The following PCDHGA4 variants were observed in gnomAD, a reference collection of about 807,000 sequenced individuals.
PCDHGA4 encodes the protein protocadherin gamma subfamily A, 4.
In PCDHGA4, 38 loss-of-function variants were observed where a neutral mutation model predicts 54.6. The ratio of observed to expected loss-of-function variants is 0.70; its 90% CI spans 0.54 to 0.91. The LOEUF (loss-of-function observed/expected upper bound fraction) is 0.91, where lower values mean the gene tolerates loss of function less well. PCDHGA4 is among the 40% of genes least tolerant of loss of function. The pLI, the probability that PCDHGA4 is intolerant of heterozygous loss-of-function variation, is 0.00. For synonymous variants in PCDHGA4, 511 were observed against 512.9 expected (o/e 1.00, Z 0.05); for missense variants, 1,298 against 1,220.9 (o/e 1.06, Z -0.94).
At chr5:141,496,888 T>TAA (rs35063790) in intron 2 of PCDHGA4, among the ~76,000 whole-genome samples, 141 of 134,106 alleles carry the variant, frequency 1.1e-3, no homozygotes, top group East Asian at 2.4e-3. Context: ...AAGTAACACT[T>TAA]AAAAAAAAAA....
chr5:141,364,788 T>C lies in PCDHGA4; in HGVS notation c.2514+7167T>C. 5 of 1,614,034 alleles carry C rather than the reference T, an allele frequency of 3.1e-6. No homozygotes were observed. Among genetic ancestry groups the C allele is most frequent in the South Asian group, 2.2e-5 (2 of 91,086 alleles). On this transcript the variant is annotated intron_variant, in intron 1 of 3. Transcript: ENST00000571252. Reference sequence around the variant, plus strand: ...AATGCGGCTGCAGGGACACGGTTAGTGCTTCCCTTCGCGCGGGATGCGGAT... The same window carrying C: ...AATGCGGCTGCAGGGACACGGTTAGCGCTTCCCTTCGCGCGGGATGCGGAT...
chr5:141,501,478 T>A (rs536337246), intron 2 of PCDHGA4, among the ~76,000 whole-genome samples: 5 of 151,890 alleles, frequency 3.3e-5, no homozygotes, highest in Non-Finnish European at 7.4e-5. Flanking sequence ...CCTGGAAGAG[T>A]CCCTCATATC....
intron 1 of PCDHGA4, chr5:141,371,115 G>C (rs757942462): frequency 1.3e-5 from 21 of 1,613,902 alleles, no homozygotes; most frequent in Non-Finnish European, 1.8e-5. Flanking sequence ...TAACCCCCCA[G>C]TATTTACTCA....
intron 1 of PCDHGA4, chr5:141,392,870 G>A (rs757363357): frequency 6.2e-7 from 1 of 1,613,226 alleles, no homozygotes; most frequent in East Asian, 2.2e-5. Flanking sequence ...TGTGCGCGCT[G>A]CTGGGAACGC....
chr5:141,370,747 A>T (rs780618979), intron 1 of PCDHGA4: 2 of 1,613,952 alleles, frequency 1.2e-6, no homozygotes, highest in Non-Finnish European at 1.7e-6. Flanking sequence ...AACTTTTTTC[A>T]TGTAACTGTG....
chr5:141,384,705 C>T lies in PCDHGA4; in HGVS notation c.2514+27084C>T, dbSNP rs761874903. ...TGGACAAAGATTCAGGCCAGAACGC[C>T]TGGCTGTCATACCTCCTGCTTAAGG... On this transcript the variant is annotated intron_variant, in intron 1 of 3. Coordinates refer to ENST00000571252, the MANE Select transcript of PCDHGA4 (RefSeq NM_018917.4). 19 of 1,614,140 alleles carry T rather than the reference C, an allele frequency of 1.2e-5. No individual in the cohort carries two copies. The South Asian group carries it at 1.8e-4, about 15-fold the overall frequency.
Position 141,487,341 on chromosome 5 carries a change from TC to T in PCDHGA4, c.2515-7465del, listed in dbSNP as rs778559139. Reference sequence around the variant, plus strand: ...TGTCTTCGTGGGGCAGCCTGTGGAGTCACATGCTTTCCTGCTGGCACCTGTG... The same window carrying T: ...TGTCTTCGTGGGGCAGCCTGTGGAGTACATGCTTTCCTGCTGGCACCTGTG... On this transcript the variant is annotated intron_variant, in intron 1 of 3. Transcript: ENST00000571252. This position sits in a 1 kb window ranked among gnomAD's most constrained non-coding sequence, Gnocchi z 5.0. 1 of 1,614,012 alleles carries T rather than the reference TC, an allele frequency of 6.2e-7. No homozygotes were observed. The highest frequency in any genetic ancestry group is 1.1e-5 in the South Asian group (1 of 91,074).
chr5:141,375,542 G>GTC (rs767363908), intron 1 of PCDHGA4: 3 of 1,613,976 alleles, frequency 1.9e-6, no homozygotes, highest in Non-Finnish European at 2.5e-6. Flanking sequence ...GAACGCCCAA[G>GTC]TCTCCTACTC....
intron 1 of PCDHGA4, among the ~76,000 whole-genome samples, chr5:141,455,315 T>G (rs1416163436): frequency 6.6e-6 from 1 of 152,152 alleles, no homozygotes; most frequent in Non-Finnish European, 1.5e-5. Context: ...TTAGCAATTT[T>G]GTGTGTGTGT....
At chr5:141,442,033 G>T (rs2098292928) in intron 1 of PCDHGA4, 1 of 209,534 alleles carries the variant, frequency 4.8e-6, no homozygotes, top group Non-Finnish European at 9.8e-6. Context: ...AAAGCGACTC[G>T]CCAGCGCCTA....
At chr5:141,413,086 A>T in intron 1 of PCDHGA4, 1 of 1,344,152 alleles carries the variant, frequency 7.4e-7, no homozygotes, top group Non-Finnish European at 1.0e-6. Flanking sequence ...GGCTACAGAG[A>T]CACCCTGAAG....
At chr5:141,479,090 T>G (rs1424205731) in intron 1 of PCDHGA4, among the ~76,000 whole-genome samples, 2 of 152,244 alleles carry the variant, frequency 1.3e-5, no homozygotes, top group Non-Finnish European at 2.9e-5. Flanking sequence ...CCAGGCATCC[T>G]TTAAATTTTA....
chr5:141,356,443 G>T lies in PCDHGA4; in HGVS notation c.1336G>T (p.Val446Phe). 1 of 1,612,380 alleles carries T rather than the reference G, an allele frequency of 6.2e-7. No homozygotes were observed. Among genetic ancestry groups the T allele is most frequent in the African/African-American group, 1.3e-5 (1 of 75,006 alleles). Residue 446 changes from valine (V) to phenylalanine (F), a missense_variant, in exon 1 of 4, where the codon GTC becomes TTC. Physicochemically the swap from Val to Phe is conservative, Grantham distance 50. Transcript: ENST00000571252. ...LTHRTLDREE[V>F]SEYNITVTAT... ...ACACAGAACACTGGACAGGGAAGAA[G>T]TCTCAGAATATAACATCACTGTAAC...
At chr5:141,379,889 C>CT (rs70988800) in intron 1 of PCDHGA4, among the ~76,000 whole-genome samples, 813 of 50,762 alleles carry the variant, frequency 0.016, 203 homozygotes, top group Non-Finnish European at 0.022. Flanking sequence ...GTGAAAGCCT[C>CT]TTTTTTTTTT....
intron 1 of PCDHGA4, chr5:141,394,390 G>C (rs758609540): frequency 1.2e-6 from 2 of 1,614,100 alleles, no homozygotes; most frequent in Non-Finnish European, 1.7e-6. Context: ...GAGCAGATCC[G>C]AGACCTGCAG....
chr5:141,372,634 C>G, intron 1 of PCDHGA4: 1 of 1,614,012 alleles, frequency 6.2e-7, no homozygotes, highest in Non-Finnish European at 8.5e-7. Context: ...AGCGAAAGGA[C>G]TTTGCCTTAT....
At chr5:141,441,173 C>G (rs2098230611) in intron 1 of PCDHGA4, 1 of 152,180 alleles carries the variant, frequency 6.6e-6, no homozygotes, top group South Asian at 2.1e-4. Context: ...ATTTTTACTT[C>G]TAATTCCACA....
At position 141,357,424 on chromosome 5, in the gene PCDHGA4, G is replaced by A; in HGVS notation, c.2317G>A (p.Gly773Ser). Reference protein sequence around the residue: ...LAGVPASHFVGVDGVRAFLQT... With the variant: ...LAGVPASHFVSVDGVRAFLQT... ...AGGTGTGCCTGCCTCGCACTTTGTGGGCGTGGACGGGGTTCGGGCTTTCCT... is the reference window on the plus strand; with the variant it reads ...AGGTGTGCCTGCCTCGCACTTTGTGAGCGTGGACGGGGTTCGGGCTTTCCT... Residue 773 changes from glycine (G) to serine (S), a missense_variant, in exon 1 of 4, where the codon GGC becomes AGC. Physicochemically the swap from Gly to Ser is moderately conservative, Grantham distance 56 (BLOSUM62 0). Transcript: ENST00000571252. The A allele has an allele frequency of 1.2e-6, 2 of 1,614,210 alleles. No individual in the cohort carries two copies. The highest frequency in any genetic ancestry group is 1.7e-6 in the Non-Finnish European group (2 of 1,180,052).
intron 1 of PCDHGA4, chr5:141,404,646 C>G (rs1461001534): frequency 3.1e-6 from 5 of 1,614,208 alleles, no homozygotes; most frequent in Non-Finnish European, 3.4e-6. Flanking sequence ...ATCCTGTACC[C>G]TGCCCTCCCC....
Sources: gnomAD v4.1 joint callset for allele counts (sites outside exome capture counted in the v4.1 genomes callset) on GRCh38, gnomAD v4.1.1 for gene constraint, Gnocchi (gnomAD v3.1) non-coding constraint, MANE v1.5 for transcripts, NCBI Gene and HGNC (gene_info 2026-07-23, HGNC 2026-07-21) for gene names.